CLYBL: variants seen among roughly 807,000 people sequenced by gnomAD.
CLYBL encodes citramalyl-CoA lyase, mitochondrial.
Under a neutral mutation model 38.9 loss-of-function variants are expected in CLYBL, and 31 were observed. The ratio of observed to expected loss-of-function variants is 0.80; its 90% confidence interval spans 0.60 to 1.08. CLYBL has a LOEUF of 1.08. Among genes scored for constraint, CLYBL ranks in the 50% least tolerant of loss-of-function variants. The pLI is 0.00. For synonymous variants in CLYBL, 171 were observed against 158.6 expected, an observed-to-expected ratio of 1.08 and a Z score of -0.59; for missense variants, 434 against 411.6, an observed-to-expected ratio of 1.05 and a Z score of -0.47.
intron 1 of CLYBL, among the ~76,000 whole-genome samples, chr13:99,713,956 A>T (rs1168693293): frequency 6.7e-6 from 1 of 149,332 alleles, no homozygotes; most frequent in Non-Finnish European, 1.5e-5. Context: ...AAATGCTAGG[A>T]TTACAGGTGT....
chr13:99,875,779 C>T (rs2052023829), intron 7 of CLYBL, among the ~76,000 whole-genome samples: 1 of 152,094 alleles, frequency 6.6e-6, no homozygotes, highest in Non-Finnish European at 1.5e-5. Context: ...AGCAGGAACA[C>T]GAAAATCAGA....
At position 99,858,853 on chromosome 13, in the gene CLYBL, A is replaced by C; in HGVS notation, c.250-8A>C. The C allele has an allele frequency of 6.3e-7, 1 of 1,585,682 alleles. No homozygotes were observed. Among genetic ancestry groups the C allele is most frequent in the Middle Eastern group, 1.7e-4 (1 of 5,902 alleles). ...AATAAACAATAAACTTTTTATTGACACTTACAGAATGAAGCTCGACTGAGA... is the reference window on the plus strand; with the variant it reads ...AATAAACAATAAACTTTTTATTGACCCTTACAGAATGAAGCTCGACTGAGA... On this transcript the variant is annotated splice_region_variant and splice_polypyrimidine_tract_variant and intron_variant, in intron 2 of 8. Coordinates refer to ENST00000339105, the MANE Select transcript of CLYBL (RefSeq NM_206808.5).
chr13:99,703,106 C>G lies in CLYBL; in HGVS notation c.63-69718C>G, dbSNP rs529480737. ...ATTTCACTGAACCCAGACTATTATG[C>G]AAACAGGACTAGCTCTGTATTTATT... is the stretch of plus-strand genomic sequence containing the variant. On this transcript the variant is annotated intron_variant, in intron 1 of 8. Coordinates refer to ENST00000339105, the MANE Select transcript of CLYBL (RefSeq NM_206808.5). Among the ~76,000 whole-genome samples, 3 of 152,310 alleles carry G rather than the reference C, an allele frequency of 2.0e-5. No homozygotes were observed. In the South Asian group the frequency reaches 6.2e-4, roughly 32 times the overall value.
intron 2 of CLYBL, among the ~76,000 whole-genome samples, chr13:99,845,584 T>C (rs1047421393): frequency 1.3e-5 from 2 of 152,216 alleles, no homozygotes; most frequent in Admixed American, 6.5e-5. Context: ...TATTAGCATT[T>C]GCTCGAGGAA....
rs529529774 is a variant in CLYBL at position 99,614,432 on chromosome 13, G to A, written c.62+7675G>A. Among the ~76,000 whole-genome samples, 11 of 152,304 alleles carry A rather than the reference G, an allele frequency of 7.2e-5. No individual in the cohort carries two copies. In the South Asian group the frequency reaches 2.3e-3, roughly 32 times the overall value. On this transcript the variant is annotated intron_variant, in intron 1 of 8. Transcript: ENST00000339105. ...GGAGTAGCCTAGGGGTAGGGGACAT[G>A]CCTGGGCTGGACAGTGGAATTTGTG... is the stretch of plus-strand genomic sequence containing the variant.
At chr13:99,819,454 ATATATATATATAT>A (rs1566340236) in intron 2 of CLYBL, among the ~76,000 whole-genome samples, 13,205 of 69,036 alleles carry the variant, frequency 0.19, 1,375 homozygotes, top group Admixed American at 0.25. Context: ...ATATATATAT[ATATATATATATAT>A]AATATTTGTC....
intron 2 of CLYBL, among the ~76,000 whole-genome samples, chr13:99,851,367 CAAAAAAAAAAA>C (rs35539387): frequency 4.8e-5 from 3 of 63,100 alleles, no homozygotes; most frequent in Admixed American, 2.2e-4. Context: ...AAGTCCACCT[CAAAAAAAAAAA>C]AAAAAAAAAA....
chr13:99,853,502 A>AT (rs1335267157), intron 2 of CLYBL, among the ~76,000 whole-genome samples: 1 of 152,228 alleles, frequency 6.6e-6, no homozygotes, highest in Non-Finnish European at 1.5e-5. Context: ...TATGCTCAAT[A>AT]TTGTTATAGG....
chr13:99,769,990 TA>T (rs2049347868), intron 1 of CLYBL, among the ~76,000 whole-genome samples: 1 of 152,274 alleles, frequency 6.6e-6, no homozygotes, highest in African/African-American at 2.4e-5. Context: ...ATAGCTGACA[TA>T]TATATTTTTT....
chr13:99,746,039 A>T (rs867720696), intron 1 of CLYBL, among the ~76,000 whole-genome samples: 55 of 150,644 alleles, frequency 3.7e-4, no homozygotes, highest in African/African-American at 1.1e-3. Flanking sequence ...AAAAAAAAAA[A>T]TTTTTTTCAG....
chr13:99,707,327 T>G (rs1025538393), intron 1 of CLYBL, among the ~76,000 whole-genome samples: 5 of 152,308 alleles, frequency 3.3e-5, no homozygotes, highest in East Asian at 3.9e-4. Flanking sequence ...TGGAGTGTAG[T>G]GGTGCGATCT....
intron 1 of CLYBL, among the ~76,000 whole-genome samples, chr13:99,639,531 C>G (rs1316494009): frequency 6.6e-6 from 1 of 152,088 alleles, no homozygotes; most frequent in Non-Finnish European, 1.5e-5. Flanking sequence ...TAACAGAAGA[C>G]AAAAACAATA....
At chr13:99,625,907 G>A (rs1451560851) in intron 1 of CLYBL, among the ~76,000 whole-genome samples, 1 of 152,216 alleles carries the variant, frequency 6.6e-6, no homozygotes, top group Non-Finnish European at 1.5e-5. Context: ...TCCAGAAGGT[G>A]CTTTGGCGCA....
intron 7 of CLYBL, among the ~76,000 whole-genome samples, chr13:99,882,322 T>C (rs1178166109): frequency 6.6e-6 from 1 of 152,180 alleles, no homozygotes; most frequent in Non-Finnish European, 1.5e-5. Flanking sequence ...TAAAACTAAA[T>C]AATCATGCCT....
At chr13:99,788,835 C>CT (rs2049855773) in intron 2 of CLYBL, among the ~76,000 whole-genome samples, 1 of 152,086 alleles carries the variant, frequency 6.6e-6, no homozygotes, top group East Asian at 1.9e-4. Context: ...TGGTCCTGGA[C>CT]TTTTTTTGGT....
chr13:99,704,069 C>G (rs1014396141), intron 1 of CLYBL, among the ~76,000 whole-genome samples: 7 of 152,138 alleles, frequency 4.6e-5, no homozygotes, highest in Non-Finnish European at 1.0e-4. Context: ...GTAAAAGTTG[C>G]TTATGTAAAG....
chr13:99,738,123 G>T (rs1213780723), intron 1 of CLYBL, among the ~76,000 whole-genome samples: 1 of 152,194 alleles, frequency 6.6e-6, no homozygotes, highest in Non-Finnish European at 1.5e-5. Flanking sequence ...TTAAACCATG[G>T]TGGGTATTCC....
chr13:99,814,218 C>T (rs2050397339), intron 2 of CLYBL, among the ~76,000 whole-genome samples: 1 of 152,160 alleles, frequency 6.6e-6, no homozygotes, highest in Non-Finnish European at 1.5e-5. Context: ...ATTCCGATAC[C>T]TGCTTTTAAA....
intron 1 of CLYBL, chr13:99,643,145 G>A (rs1236354492): frequency 2.0e-5 from 3 of 152,926 alleles, no homozygotes; most frequent in African/African-American, 4.8e-5. Context: ...CAGTAGGTCT[G>A]TACCAAGACC....
Sources: gnomAD v4.1 joint callset for allele counts (sites outside exome capture counted in the v4.1 genomes callset) on GRCh38, gnomAD v4.1.1 for gene constraint, MANE v1.5 for transcripts, NCBI Gene and HGNC (gene_info 2026-07-23, HGNC 2026-07-21) for gene names.